PPP1R16B: variants seen among roughly 807,000 people sequenced by gnomAD.
The protein encoded by PPP1R16B is protein phosphatase 1 regulatory subunit 16B.
Under a neutral mutation model 61.7 loss-of-function variants are expected in PPP1R16B, and 14 were observed. The observed-to-expected ratio is 0.23, with a 90% confidence interval of 0.15 to 0.35. The LOEUF (loss-of-function observed/expected upper bound fraction) is 0.35, where lower values mean the gene tolerates loss of function less well. Ranked by LOEUF, PPP1R16B falls within the 10% of genes least tolerant of loss-of-function variation. PPP1R16B has a pLI of 1.00. For synonymous variants in PPP1R16B, 266 were observed against 305.3 expected, an observed-to-expected ratio of 0.87 and a Z score of 1.34; for missense variants, 547 against 752.5, an observed-to-expected ratio of 0.73 and a Z score of 3.19.
chr20:38,865,358 C>T (rs927016913), intron 2 of PPP1R16B, among the ~76,000 whole-genome samples: 1 of 151,536 alleles, frequency 6.6e-6, no homozygotes, highest in African/African-American at 2.4e-5. Context: ...GGCGCGATCT[C>T]GGCTCACTGC....
intron 1 of PPP1R16B, among the ~76,000 whole-genome samples, chr20:38,812,824 T>C (rs745328990): frequency 1.6e-4 from 24 of 152,182 alleles, no homozygotes; most frequent in Non-Finnish European, 3.2e-4. Flanking sequence ...AGGTTAGATG[T>C]GCCCATTGGT....
rs1468429925 is a variant in PPP1R16B at position 38,907,251 on chromosome 20, A to G, written c.898+197A>G. ...GATAGATGGATAAATGGATGAATGG[A>G]TGGTTGAGGTGGTAGATGGGTAGAT... On this transcript the variant is annotated intron_variant, in intron 8 of 10. Coordinates refer to ENST00000299824, the MANE Select transcript of PPP1R16B (RefSeq NM_015568.4). This position sits in a 1 kb window ranked among gnomAD's most constrained non-coding sequence, Gnocchi z 4.5. 6.6e-6 allele frequency among the ~76,000 whole-genome samples: 1 copy of G among 151,996 alleles called. No individual in the cohort carries two copies. Among genetic ancestry groups the G allele is most frequent in the Admixed American group, 6.6e-5 (1 of 15,258 alleles).
At chr20:38,909,201 T>G (rs1290748739) in intron 10 of PPP1R16B, among the ~76,000 whole-genome samples, 1 of 152,102 alleles carries the variant, frequency 6.6e-6, no homozygotes, top group Non-Finnish European at 1.5e-5. Context: ...GAGGTCTTGC[T>G]GTGTTGCCCA....
At chr20:38,819,650 G>A (rs2084760481) in intron 1 of PPP1R16B, among the ~76,000 whole-genome samples, 1 of 152,098 alleles carries the variant, frequency 6.6e-6, no homozygotes, top group African/African-American at 2.4e-5. Context: ...AGTAAGGAGA[G>A]TTGCCAGGTT....
At chr20:38,900,463 T>C in intron 4 of PPP1R16B, 118 bp from the exon 5 acceptor site, 1 of 691,678 alleles carries the variant, frequency 1.4e-6, no homozygotes, top group Non-Finnish European at 2.4e-6. Flanking sequence ...TACACCTTGG[T>C]GGGGTTTTGA....
intron 10 of PPP1R16B, among the ~76,000 whole-genome samples, chr20:38,911,177 T>C (rs534081590): frequency 2.0e-3 from 295 of 147,178 alleles, no homozygotes; most frequent in African/African-American, 6.7e-3. Context: ...TTTTCTTTTT[T>C]TTTTTTTGAG....
At chr20:38,876,777 C>G (rs986395598) in intron 2 of PPP1R16B, among the ~76,000 whole-genome samples, 2 of 152,154 alleles carry the variant, frequency 1.3e-5, no homozygotes, top group Non-Finnish European at 1.5e-5. Flanking sequence ...AGAGTTCTTA[C>G]CACTTGGCTA....
intron 2 of PPP1R16B, among the ~76,000 whole-genome samples, chr20:38,882,347 T>C (rs1457533872): frequency 1.3e-5 from 2 of 151,730 alleles, no homozygotes; most frequent in Non-Finnish European, 2.9e-5. Flanking sequence ...GTCTGCTCAC[T>C]CATTTTTTTT....
intron 2 of PPP1R16B, among the ~76,000 whole-genome samples, chr20:38,845,825 C>A (rs867218828): frequency 1.3e-5 from 2 of 152,146 alleles, no homozygotes; most frequent in Non-Finnish European, 2.9e-5. Flanking sequence ...ATTTTGAATT[C>A]GGGATGGATT....
At chr20:38,849,695 A>AAC (rs1555803872) in intron 2 of PPP1R16B, among the ~76,000 whole-genome samples, 3 of 147,360 alleles carry the variant, frequency 2.0e-5, no homozygotes, top group African/African-American at 5.0e-5. Context: ...CAAAAAAAAA[A>AAC]CAAAAAACTG....
intron 2 of PPP1R16B, among the ~76,000 whole-genome samples, chr20:38,886,288 T>C (rs2085244252): frequency 2.0e-5 from 3 of 152,158 alleles, no homozygotes; most frequent in Admixed American, 2.0e-4. Flanking sequence ...TCCCACCTCT[T>C]GGGCTGAAAA....
chr20:38,829,015 A>T (rs1383246400), intron 1 of PPP1R16B, among the ~76,000 whole-genome samples: 1 of 152,142 alleles, frequency 6.6e-6, no homozygotes, highest in African/African-American at 2.4e-5. Context: ...ACCCTGCCAT[A>T]CTTTCTTGCC....
At chr20:38,818,021 G>T (rs2084750007) in intron 1 of PPP1R16B, among the ~76,000 whole-genome samples, 1 of 152,252 alleles carries the variant, frequency 6.6e-6, no homozygotes. Context: ...TCCAGCCTGG[G>T]CGACAGAGCG....
intron 2 of PPP1R16B, among the ~76,000 whole-genome samples, chr20:38,864,867 C>CTG (rs1032421424): frequency 1.2e-4 from 18 of 152,324 alleles, no homozygotes; most frequent in African/African-American, 4.3e-4. Context: ...TTGAGAGTGC[C>CTG]TGGCCCCTCC....
At chr20:38,870,229 C>T (rs1470697074) in intron 2 of PPP1R16B, among the ~76,000 whole-genome samples, 5 of 152,110 alleles carry the variant, frequency 3.3e-5, no homozygotes, top group Admixed American at 1.3e-4. Flanking sequence ...TGAGCAACCA[C>T]GCCCGGCCTG....
At chr20:38,832,046 G>T (rs1459991489) in intron 1 of PPP1R16B, among the ~76,000 whole-genome samples, 4 of 152,156 alleles carry the variant, frequency 2.6e-5, no homozygotes, top group Non-Finnish European at 4.4e-5. Context: ...CTTTCAACTG[G>T]TGAAATCCTA....
intron 1 of PPP1R16B, among the ~76,000 whole-genome samples, chr20:38,832,197 C>T (rs1191383507): frequency 6.6e-6 from 1 of 152,182 alleles, no homozygotes; most frequent in African/African-American, 2.4e-5. Flanking sequence ...GTTTCCTCAT[C>T]TGGAAAATGG....
chr20:38,807,523 C>T (rs945163118), intron 1 of PPP1R16B, among the ~76,000 whole-genome samples: 3 of 152,254 alleles, frequency 2.0e-5, no homozygotes, highest in East Asian at 3.9e-4. Context: ...CTTCCTCCCC[C>T]AGCTCTGTCA....
At chr20:38,851,979 G>A (rs1215517644) in intron 2 of PPP1R16B, among the ~76,000 whole-genome samples, 2 of 152,210 alleles carry the variant, frequency 1.3e-5, no homozygotes, top group African/African-American at 4.8e-5. Flanking sequence ...GCTGCAGTAA[G>A]TCACAATTGT....
Sources: allele counts gnomAD v4.1 joint callset (sites outside exome capture counted in the v4.1 genomes callset), GRCh38; gene constraint gnomAD v4.1.1; non-coding constraint Gnocchi (gnomAD v3.1); transcripts MANE v1.5; gene names NCBI Gene and HGNC (gene_info 2026-07-23, HGNC 2026-07-21).